Variants in LNX2 observed in about 807,000 individuals in gnomAD.
LNX2 encodes the protein ligand of numb-protein X 2, also known as ligand of Numb protein X 2.
Under a neutral mutation model 66.2 loss-of-function variants are expected in LNX2, and 35 were observed. That is an observed-to-expected ratio of 0.53 (90% CI 0.40 to 0.70). The LOEUF (loss-of-function observed/expected upper bound fraction) is 0.70. Among genes scored for constraint, LNX2 ranks in the 30% least tolerant of loss-of-function variants. The pLI is 0.00. For missense variants in LNX2, 791 were observed against 850.8 expected (o/e 0.93, Z 0.87); for synonymous variants, 337 against 315.6 (o/e 1.07, Z -0.72).
At chr13:27,603,090 A>G (rs833087) in intron 1 of LNX2, among the ~76,000 whole-genome samples, 48,249 of 152,018 alleles carry the variant, frequency 0.32, 9,145 homozygotes, top group East Asian at 0.48. Flanking sequence ...GTCAAATATT[A>G]GCATTGTTGC....
At chr13:27,553,106 CTTT>C (rs140699650) in intron 8 of LNX2, 99 bp downstream of exon 8, 6 of 853,092 alleles carry the variant, frequency 7.0e-6, no homozygotes, top group Non-Finnish European at 1.1e-5. Context: ...TGAATTAAAG[CTTT>C]TTTTTTTATC....
intron 1 of LNX2, among the ~76,000 whole-genome samples, chr13:27,606,929 T>C (rs189637371): frequency 2.0e-5 from 3 of 152,170 alleles, no homozygotes; most frequent in Non-Finnish European, 2.9e-5. Context: ...TAAGAACAAT[T>C]TTATGGAGCA....
intron 1 of LNX2, among the ~76,000 whole-genome samples, chr13:27,601,547 T>C (rs183460334): frequency 2.0e-4 from 30 of 152,312 alleles, no homozygotes; most frequent in Non-Finnish European, 4.3e-4. Flanking sequence ...AACAGTATAG[T>C]TAAGTTCTCA....
intron 1 of LNX2, among the ~76,000 whole-genome samples, chr13:27,587,782 G>A (rs1955504102): frequency 6.6e-6 from 1 of 151,976 alleles, no homozygotes; most frequent in Admixed American, 6.5e-5. Flanking sequence ...AGCACTTTGG[G>A]AGGCCAAGGC....
At chr13:27,583,169 A>AGTGTGTGTGTGTGT in intron 1 of LNX2, among the ~76,000 whole-genome samples, 1 of 44,128 alleles carries the variant, frequency 2.3e-5, no homozygotes, top group East Asian at 8.4e-4. Flanking sequence ...TCAGAGCAGC[A>AGTGTGTGTGTGTGT]GTGTGTGTGT....
rs1955396056 is a variant in LNX2 at position 27,581,417 on chromosome 13, C to T, written c.287G>A (p.Cys96Tyr). ...ATGAACTAGAATACTAGACTTCTTG[C>T]ACAACTTAAAATGAAGTCTTTTCCG... Reference protein sequence around the residue: ...LDRKRLHFKLCKKSSILVHKL... With the variant: ...LDRKRLHFKLYKKSSILVHKL... The change falls in exon 2 of 10, where the codon TGC becomes TAC. Residue 96 changes from cysteine to tyrosine, a missense_variant. Coordinates refer to ENST00000316334, the MANE Select transcript of LNX2 (RefSeq NM_153371.4). 1 of 1,608,080 alleles carries T rather than the reference C, an allele frequency of 6.2e-7. No homozygotes were observed.
intron 1 of LNX2, among the ~76,000 whole-genome samples, chr13:27,609,384 G>A (rs754064968): frequency 6.6e-6 from 1 of 151,830 alleles, no homozygotes; most frequent in Non-Finnish European, 1.5e-5. Flanking sequence ...TCGAACTCCT[G>A]ACCTCAGGTG....
chr13:27,564,876 C>A (rs1007379761), intron 4 of LNX2, among the ~76,000 whole-genome samples: 3 of 152,142 alleles, frequency 2.0e-5, no homozygotes, highest in African/African-American at 7.2e-5. Context: ...TCTTGAATAA[C>A]CATAAATAGT....
At position 27,556,302 on chromosome 13, in the gene LNX2, G is replaced by C; in HGVS notation, c.1480C>G (p.Leu494Val). 1 of 1,614,004 alleles carries C rather than the reference G, an allele frequency of 6.2e-7. No individual in the cohort carries two copies. Among genetic ancestry groups the C allele is most frequent in the Non-Finnish European group, 8.5e-7 (1 of 1,179,952 alleles). The change falls in exon 7 of 10, where the codon CTG becomes GTG. Residue 494 changes from leucine (L) to valine (V), a missense_variant. Coordinates refer to ENST00000316334, the MANE Select transcript of LNX2 (RefSeq NM_153371.4). Reference sequence around the variant, plus strand: ...GGCACACTGGTCACAAAGATGGGCAGCTCACCACTCTTACTTCCCCTGCCC... The same window carrying C: ...GGCACACTGGTCACAAAGATGGGCACCTCACCACTCTTACTTCCCCTGCCC... Reference protein sequence around the residue: ...AGGRGSKSGELPIFVTSVPPH... With the variant: ...AGGRGSKSGEVPIFVTSVPPH...
chr13:27,594,160 T>C (rs922716669), intron 1 of LNX2, among the ~76,000 whole-genome samples: 1 of 152,204 alleles, frequency 6.6e-6, no homozygotes, highest in African/African-American at 2.4e-5. Context: ...ATAAATTTTA[T>C]AGTTGAAAAT....
chr13:27,566,812 T>C (rs1027561193), intron 4 of LNX2, among the ~76,000 whole-genome samples: 1 of 152,174 alleles, frequency 6.6e-6, no homozygotes, highest in Non-Finnish European at 1.5e-5. Flanking sequence ...ACATTTTTTC[T>C]TGTTCATGAA....
intron 5 of LNX2, among the ~76,000 whole-genome samples, chr13:27,560,559 A>G (rs981911720): frequency 4.5e-4 from 60 of 132,626 alleles, no homozygotes; most frequent in Non-Finnish European, 7.7e-4. Context: ...CTTTATATGT[A>G]TGTGTGTATA....
chr13:27,579,635 C>T (rs1007509577), intron 2 of LNX2, among the ~76,000 whole-genome samples: 2 of 152,126 alleles, frequency 1.3e-5, no homozygotes, highest in African/African-American at 4.8e-5. Flanking sequence ...AAGGAATATT[C>T]CTGAAAATCT....
intron 1 of LNX2, among the ~76,000 whole-genome samples, chr13:27,614,016 CAT>C (rs1955801596): frequency 6.6e-6 from 1 of 152,134 alleles, no homozygotes; most frequent in South Asian, 2.1e-4. Context: ...TCAGTGAAAA[CAT>C]AGCAGTGGGG....
chr13:27,606,729 C>T (rs1425480146), intron 1 of LNX2, among the ~76,000 whole-genome samples: 2 of 152,130 alleles, frequency 1.3e-5, no homozygotes, highest in Non-Finnish European at 2.9e-5. Context: ...GAAGAGCTCA[C>T]CTCAGGCTTG....
intron 2 of LNX2, among the ~76,000 whole-genome samples, chr13:27,576,381 C>CAGGACATTTTCCAAGACAGGCCATGTGCT (rs1159240802): frequency 6.6e-5 from 10 of 152,090 alleles, no homozygotes; most frequent in African/African-American, 2.2e-4. Context: ...CAAGTACACA[C>CAGGACATTTTCCAAGACAGGCCATGTGCT]AGGACATTTT....
At chr13:27,609,056 G>A (rs1478385016) in intron 1 of LNX2, among the ~76,000 whole-genome samples, 1 of 151,984 alleles carries the variant, frequency 6.6e-6, no homozygotes, top group Non-Finnish European at 1.5e-5. Flanking sequence ...GCCTCCCAAA[G>A]TTCTGGGATT....
chr13:27,589,147 C>T (rs1056277359), intron 1 of LNX2, among the ~76,000 whole-genome samples: 4 of 152,184 alleles, frequency 2.6e-5, no homozygotes, highest in African/African-American at 9.6e-5. Context: ...AAAGCAAAAA[C>T]TAAAAATGGA....
intron 1 of LNX2, among the ~76,000 whole-genome samples, chr13:27,582,972 C>A (rs7989803): frequency 0.48 from 72,408 of 151,848 alleles, 18,382 homozygotes; most frequent in African/African-American, 0.66. Flanking sequence ...CTCCATATGT[C>A]ACACAGATTA....
Sources: allele counts gnomAD v4.1 joint callset (sites outside exome capture counted in the v4.1 genomes callset), GRCh38; gene constraint gnomAD v4.1.1; transcripts MANE v1.5; gene names NCBI Gene and HGNC (gene_info 2026-07-23, HGNC 2026-07-21).